The following TRAPPC9 variants were observed in gnomAD, a reference collection of about 807,000 sequenced individuals.
TRAPPC9 encodes IKK2 binding protein.
Under a neutral mutation model 124.0 loss-of-function variants are expected in TRAPPC9, and 83 were observed. The observed-to-expected ratio is 0.67, with a 90% CI of 0.56 to 0.80. The LOEUF (loss-of-function observed/expected upper bound fraction) is 0.80. TRAPPC9 is among the 30% of genes least tolerant of loss of function. The pLI is 0.00. For synonymous variants in TRAPPC9, 638 were observed against 617.5 expected (o/e 1.03, Z -0.49); for missense variants, 1,302 against 1,508.3 (o/e 0.86, Z 2.27).
intron 17 of TRAPPC9, among the ~76,000 whole-genome samples, chr8:140,118,438 G>A (rs1186410662): frequency 1.3e-5 from 2 of 152,242 alleles, no homozygotes; most frequent in Non-Finnish European, 2.9e-5. Context: ...TGTAATGTCT[G>A]AGTATCTTAG....
intron 5 of TRAPPC9, among the ~76,000 whole-genome samples, chr8:140,414,041 C>G (rs2069810130): frequency 6.6e-6 from 1 of 151,974 alleles, no homozygotes; most frequent in Non-Finnish European, 1.5e-5. Context: ...GGAACCAAGT[C>G]TTGAAGGAAG....
chr8:140,113,936 A>C (rs888767309), intron 17 of TRAPPC9, among the ~76,000 whole-genome samples: 1 of 152,240 alleles, frequency 6.6e-6, no homozygotes, highest in African/African-American at 2.4e-5. Flanking sequence ...TCGATCGGAA[A>C]GTCAGGCCTG....
At chr8:140,044,045 T>A (rs1313475383) in intron 17 of TRAPPC9, among the ~76,000 whole-genome samples, 1 of 152,138 alleles carries the variant, frequency 6.6e-6, no homozygotes, top group Admixed American at 6.5e-5. Context: ...ACTCAGATCA[T>A]TGTGCCAGCA....
intron 17 of TRAPPC9, among the ~76,000 whole-genome samples, chr8:140,175,296 T>G (rs982561892): frequency 6.6e-6 from 1 of 151,630 alleles, no homozygotes; most frequent in Non-Finnish European, 1.5e-5. Flanking sequence ...TTACACTGAG[T>G]GTCAGCAAGA....
intron 9 of TRAPPC9, among the ~76,000 whole-genome samples, chr8:140,324,447 A>G (rs1356992597): frequency 6.6e-6 from 1 of 152,206 alleles, no homozygotes; most frequent in Non-Finnish European, 1.5e-5. Context: ...ATTTTTTTAA[A>G]GTTGGAGGCT....
chr8:140,236,839 C>T (rs1447089796), intron 16 of TRAPPC9, among the ~76,000 whole-genome samples: 1 of 152,186 alleles, frequency 6.6e-6, no homozygotes, highest in African/African-American at 2.4e-5. Flanking sequence ...GATGCAGTCC[C>T]AGTCAATATT....
intron 21 of TRAPPC9, among the ~76,000 whole-genome samples, chr8:139,841,687 G>A (rs138610861): frequency 5.8e-4 from 88 of 152,316 alleles, no homozygotes; most frequent in East Asian, 2.1e-3. Flanking sequence ...GGCAGAATTC[G>A]CAGAACCCAC....
At chr8:140,157,873 ATGC>A (rs2061682253) in intron 17 of TRAPPC9, among the ~76,000 whole-genome samples, 1 of 152,186 alleles carries the variant, frequency 6.6e-6, no homozygotes, top group Non-Finnish European at 1.5e-5. Flanking sequence ...ATATATATAA[ATGC>A]ATATTTTTAT....
chr8:140,450,397 G>A (rs1288096748), intron 2 of TRAPPC9, among the ~76,000 whole-genome samples: 1 of 152,164 alleles, frequency 6.6e-6, no homozygotes, highest in Non-Finnish European at 1.5e-5. Flanking sequence ...TTTTTCAGAA[G>A]TAAGTCTCAA....
At chr8:139,914,424 T>A (rs1831969199) in intron 19 of TRAPPC9, among the ~76,000 whole-genome samples, 1 of 152,172 alleles carries the variant, frequency 6.6e-6, no homozygotes, top group Non-Finnish European at 1.5e-5. Flanking sequence ...CGGAAGGCGC[T>A]GAGGTGTAGC....
chr8:139,983,564 C>T (rs1327937271), intron 19 of TRAPPC9, among the ~76,000 whole-genome samples: 1 of 152,118 alleles, frequency 6.6e-6, no homozygotes, highest in Non-Finnish European at 1.5e-5. Context: ...CAGCTTCACT[C>T]CCAGCAGGGC....
chr8:140,238,124 A>G (rs1392845772), intron 16 of TRAPPC9, among the ~76,000 whole-genome samples: 1 of 152,174 alleles, frequency 6.6e-6, no homozygotes, highest in Non-Finnish European at 1.5e-5. Context: ...CCTGGGCGGA[A>G]AGGGCAGTAA....
At chr8:140,211,769 C>T (rs1477158257) in intron 17 of TRAPPC9, among the ~76,000 whole-genome samples, 4 of 152,180 alleles carry the variant, frequency 2.6e-5, no homozygotes, top group Admixed American at 2.0e-4. Flanking sequence ...TCAGGCAACC[C>T]CATGGAGAGG....
intron 16 of TRAPPC9, among the ~76,000 whole-genome samples, chr8:140,227,851 A>G (rs78532461): frequency 0.018 from 2,668 of 152,342 alleles, 68 homozygotes; most frequent in African/African-American, 0.061. Flanking sequence ...TGAGAAGGTA[A>G]GTACCTTGCT....
In TRAPPC9 at chr8:140,172,626, C is replaced by G. The variant is rs548692474; in HGVS notation, c.2556+48833G>C. On this transcript the variant is annotated intron_variant, in intron 17 of 22. Coordinates refer to ENST00000438773, the MANE Select transcript of TRAPPC9 (RefSeq NM_001160372.4). ...ACTTGAGTTTTATGAGAGCTACGAT[C>G]GCAGCAGCAGCAGCAGCAGCTGACA... Among the ~76,000 whole-genome samples, 4 of 152,094 alleles carry G rather than the reference C, an allele frequency of 2.6e-5. No homozygotes were observed. The East Asian group carries it at 7.7e-4, about 29-fold the overall frequency.
In TRAPPC9 at chr8:139,907,014, G is replaced by T. The variant is rs551582701; in HGVS notation, c.2964+3133C>A. ...AGATCTCCACCTACTCCTGCCAGGC[G>T]TGACCTGAGGGAAGCTCCCATCAGC... is the stretch of plus-strand genomic sequence containing the variant. On this transcript the variant is annotated intron_variant, in intron 20 of 22. Coordinates refer to ENST00000438773, the MANE Select transcript of TRAPPC9 (RefSeq NM_001160372.4). The surrounding 1 kb of genome is among the most constrained non-coding windows in gnomAD (Gnocchi z 4.7). Among the ~76,000 whole-genome samples the T allele has an allele frequency of 6.6e-6, 1 of 152,184 alleles. No individual in the cohort carries two copies. Among genetic ancestry groups the T allele is most frequent in the Non-Finnish European group, 1.5e-5 (1 of 68,040 alleles).
chr8:139,831,538 A>G (rs1286560698), intron 21 of TRAPPC9, among the ~76,000 whole-genome samples: 1 of 152,028 alleles, frequency 6.6e-6, no homozygotes, highest in East Asian at 1.9e-4. Flanking sequence ...AATTAATTAC[A>G]TTTGCTCCCT....
intron 21 of TRAPPC9, among the ~76,000 whole-genome samples, chr8:139,883,498 C>T (rs1212325898): frequency 6.6e-6 from 1 of 152,224 alleles, no homozygotes; most frequent in Non-Finnish European, 1.5e-5. Context: ...CCCACACAGG[C>T]GTGTGCAGCT....
intron 17 of TRAPPC9, among the ~76,000 whole-genome samples, chr8:140,033,677 T>G (rs796088379): frequency 2.1e-3 from 209 of 100,172 alleles, no homozygotes; most frequent in South Asian, 7.5e-3. Context: ...TTTTTTTTTT[T>G]TTTTTTTTTT....
Sources: gnomAD v4.1 joint callset for allele counts (sites outside exome capture counted in the v4.1 genomes callset) on GRCh38, gnomAD v4.1.1 for gene constraint, Gnocchi (gnomAD v3.1) non-coding constraint, MANE v1.5 for transcripts, NCBI Gene and HGNC (gene_info 2026-07-23, HGNC 2026-07-21) for gene names.